Variants in SGK3 observed in about 807,000 individuals in gnomAD.
SGK3 encodes the protein serum/glucocorticoid regulated kinase family member 3, also known as serine/threonine-protein kinase Sgk3.
A neutral mutation model predicts 68.5 loss-of-function variants in SGK3; 47 were observed. The ratio of observed to expected loss-of-function variants is 0.69; its 90% CI spans 0.54 to 0.87. The LOEUF (loss-of-function observed/expected upper bound fraction) is 0.87, where lower values mean the gene tolerates loss of function less well. Ranked by LOEUF, SGK3 falls within the 40% of genes least tolerant of loss-of-function variation. The pLI, the probability that SGK3 is intolerant of heterozygous loss-of-function variation, is 0.00. For synonymous variants in SGK3, 181 were observed against 189.1 expected (o/e 0.96, Z 0.35); for missense variants, 479 against 575.5 (o/e 0.83, Z 1.72).
intron 16 of SGK3, among the ~76,000 whole-genome samples, chr8:66,851,947 G>T (rs1391906243): frequency 1.3e-4 from 20 of 152,096 alleles, no homozygotes; most frequent in Non-Finnish European, 4.4e-5. Context: ...TTATAAATGA[G>T]GAAATAGAAG....
At chr8:66,816,357 T>G (rs949332911) in intron 5 of SGK3, among the ~76,000 whole-genome samples, 116 of 144,594 alleles carry the variant, frequency 8.0e-4, no homozygotes, top group African/African-American at 2.2e-3. Context: ...TTTTTTTTTT[T>G]GTGTGTGAGA....
At chr8:66,849,934 A>C (rs1473109342) in intron 15 of SGK3, among the ~76,000 whole-genome samples, 1 of 152,196 alleles carries the variant, frequency 6.6e-6, no homozygotes, top group African/African-American at 2.4e-5. Flanking sequence ...AAAAACAAAC[A>C]AATAGAAAAA....
At chr8:66,803,240 G>A (rs752754251) in intron 3 of SGK3, among the ~76,000 whole-genome samples, 1 of 152,116 alleles carries the variant, frequency 6.6e-6, no homozygotes, top group Non-Finnish European at 1.5e-5. Context: ...TACTGACAGC[G>A]TGCCCCATGC....
At chr8:66,749,832 T>C (rs189445390) in intron 1 of SGK3, among the ~76,000 whole-genome samples, 210 of 152,012 alleles carry the variant, frequency 1.4e-3, no homozygotes, top group Non-Finnish European at 4.4e-4. Flanking sequence ...TGGAATACAA[T>C]AATAATAATG....
Position 66,740,817 on chromosome 8 carries a change from G to C in SGK3, c.-122+27984G>C, listed in dbSNP as rs573950603. ...AGCTACTCAGGAGGATGAGACGAAA[G>C]AATCACTCGAACCTGGGAGATGGAG... On this transcript the variant is annotated intron_variant, in intron 1 of 16. Transcript: ENST00000521198. Among the ~76,000 whole-genome samples, 20 of 145,896 alleles carry C rather than the reference G, an allele frequency of 1.4e-4. No individual in the cohort carries two copies. In the South Asian group the frequency reaches 3.9e-3, roughly 28 times the overall value.
At chr8:66,854,552 G>A (rs1464063571) in intron 16 of SGK3, among the ~76,000 whole-genome samples, 1 of 152,044 alleles carries the variant, frequency 6.6e-6, no homozygotes, top group East Asian at 1.9e-4. Flanking sequence ...TAACAATTCT[G>A]TAAGCTGAAA....
intron 1 of SGK3, among the ~76,000 whole-genome samples, chr8:66,756,689 C>T (rs1194846687): frequency 6.8e-6 from 1 of 147,442 alleles, no homozygotes; most frequent in African/African-American, 2.5e-5. Flanking sequence ...AAGTGATTCT[C>T]CTGTCTCAGC....
chr8:66,855,338 G>A (rs1810470098), intron 16 of SGK3, among the ~76,000 whole-genome samples: 1 of 152,104 alleles, frequency 6.6e-6, no homozygotes, highest in African/African-American at 2.4e-5. Context: ...AAGTAGCTGG[G>A]ACTACAGGTG....
chr8:66,760,304 G>T (rs1406635160), intron 1 of SGK3, among the ~76,000 whole-genome samples: 2 of 150,720 alleles, frequency 1.3e-5, no homozygotes, highest in Non-Finnish European at 3.0e-5. Context: ...TGATGTGACA[G>T]GCTTACTTTG....
intron 1 of SGK3, among the ~76,000 whole-genome samples, chr8:66,784,841 T>C (rs981840054): frequency 6.6e-6 from 1 of 152,152 alleles, no homozygotes; most frequent in East Asian, 1.9e-4. Context: ...AACAAAAAAA[T>C]TTTAAGTCTA....
Position 66,808,240 on chromosome 8 carries a change from C to T in SGK3, c.253+3793C>T, listed in dbSNP as rs184581423. Among the ~76,000 whole-genome samples the T allele has an allele frequency of 7.7e-3, 1,170 of 152,190 alleles. 10 individuals carry two copies. Among genetic ancestry groups the T allele is most frequent in the African/African-American group, 0.027 (1,119 of 41,540 alleles). Reference sequence around the variant, plus strand: ...AAAAACAAAAATAAAAATGCAATAACAAAGCAGCCTCTAACAACTGAAAAT... The same window carrying T: ...AAAAACAAAAATAAAAATGCAATAATAAAGCAGCCTCTAACAACTGAAAAT... On this transcript the variant is annotated intron_variant, in intron 4 of 16. Transcript: ENST00000521198.
chr8:66,800,997 A>G (rs926317659), intron 3 of SGK3, among the ~76,000 whole-genome samples: 6 of 152,088 alleles, frequency 3.9e-5, no homozygotes, highest in African/African-American at 7.2e-5. Flanking sequence ...AAACACCTAT[A>G]ATGTTGCTAC....
At chr8:66,832,754 CATT>C (rs1809353688) in intron 8 of SGK3, among the ~76,000 whole-genome samples, 1 of 151,472 alleles carries the variant, frequency 6.6e-6, no homozygotes, top group African/African-American at 2.4e-5. Flanking sequence ...AAAAAAAAGT[CATT>C]ATCTTTTGGA....
chr8:66,790,934 C>T (rs1325441150), intron 1 of SGK3: 5 of 152,278 alleles, frequency 3.3e-5, no homozygotes, highest in Non-Finnish European at 7.3e-5. Context: ...GGCTGTGTTT[C>T]CTGGGGTCAT....
chr8:66,796,563 G>T (rs1335804136), intron 2 of SGK3, among the ~76,000 whole-genome samples: 3 of 151,770 alleles, frequency 2.0e-5, no homozygotes, highest in African/African-American at 7.3e-5. Flanking sequence ...CTCCCGAAGT[G>T]CTGGGATTAC....
intron 1 of SGK3, among the ~76,000 whole-genome samples, chr8:66,756,324 G>A (rs796835950): frequency 6.6e-5 from 10 of 152,116 alleles, no homozygotes; most frequent in African/African-American, 2.4e-4. Flanking sequence ...GACAGTCCAA[G>A]CAAACTATAT....
intron 14 of SGK3, 90 bp from the exon 15 acceptor site, chr8:66,847,103 T>C: frequency 2.0e-6 from 3 of 1,529,244 alleles, no homozygotes; most frequent in Non-Finnish European, 2.6e-6. Flanking sequence ...TTTTTTCAAC[T>C]GACTGCTCCC....
At chr8:66,746,793 T>C (rs995488435) in intron 1 of SGK3, among the ~76,000 whole-genome samples, 17 of 152,028 alleles carry the variant, frequency 1.1e-4, no homozygotes, top group African/African-American at 3.1e-4. Flanking sequence ...ACTCCTGGCC[T>C]CAAGTGATCC....
chr8:66,843,034 G>A (rs1280768429), intron 13 of SGK3, among the ~76,000 whole-genome samples: 1 of 152,130 alleles, frequency 6.6e-6, no homozygotes, highest in Admixed American at 6.5e-5. Context: ...TTGTGCCACT[G>A]CATTCCAGCT....
Sources: gnomAD v4.1 joint callset for allele counts (sites outside exome capture counted in the v4.1 genomes callset) on GRCh38, gnomAD v4.1.1 for gene constraint, MANE v1.5 for transcripts, NCBI Gene and HGNC (gene_info 2026-07-23, HGNC 2026-07-21) for gene names.